The following ZBTB40 variants were observed in gnomAD, a reference collection of about 807,000 sequenced individuals.
ZBTB40 encodes zinc finger and BTB domain containing 40, also known as zinc finger and BTB domain-containing protein 40.
Under a neutral mutation model 117.5 loss-of-function variants are expected in ZBTB40, and 60 were observed. The observed-to-expected ratio is 0.51, with a 90% CI of 0.41 to 0.63. The LOEUF (loss-of-function observed/expected upper bound fraction) is 0.63. Ranked by LOEUF, ZBTB40 falls within the 30% of genes least tolerant of loss-of-function variation. ZBTB40 has a pLI of 0.00. For synonymous variants in ZBTB40, 525 were observed against 577.1 expected (o/e 0.91, Z 1.29); for missense variants, 1,287 against 1,498.5 (o/e 0.86, Z 2.33).
chr1:22,481,135 TTTTC>T (rs1242537383), intron 1 of ZBTB40, among the ~76,000 whole-genome samples: 2 of 152,238 alleles, frequency 1.3e-5, no homozygotes, highest in Non-Finnish European at 2.9e-5. Flanking sequence ...TAGGGATTTC[TTTTC>T]TTTAATTTTT....
rs2281355 is a variant in ZBTB40 at position 22,526,411 on chromosome 1, G to A, written c.*15G>A. On this transcript the variant is annotated 3_prime_UTR_variant, in exon 18 of 18. Transcript: ENST00000375647. ...AGGCCAAATGAGCAGCCTTTCATCC[G>A]GCAGAGCCTTCCTGCGTTTGCAGCA... The A allele has an allele frequency of 0.051, 81,698 of 1,613,568 alleles. 6,614 individuals are homozygous for A. Among genetic ancestry groups the A allele is most frequent in the East Asian group, 0.42 (18,642 of 44,856 alleles).
At chr1:22,443,880 T>A (rs536144456) in intron 1 of ZBTB40, among the ~76,000 whole-genome samples, 2 of 152,378 alleles carry the variant, frequency 1.3e-5, no homozygotes, top group South Asian at 4.1e-4. Flanking sequence ...ATGTTAATGC[T>A]GATCAGTAGT....
rs549331227 is a variant in ZBTB40 at position 22,451,946 on chromosome 1, G to C, written c.-128G>C. On this transcript the variant is annotated 5_prime_UTR_variant, in exon 1 of 18. Transcript: ENST00000375647. ...TTTATTGTTCCCTTCGGGCAGGAGT[G>C]TTCGTGTCCTCTATGGCGCTGTCAA... 8.5e-5 allele frequency: 13 copies of C among 152,570 alleles called. No homozygotes were observed. Among genetic ancestry groups the C allele is most frequent in the Admixed American group, 7.8e-4 (12 of 15,312 alleles). 9.5% of individuals were successfully genotyped at this position (152,570 alleles called of 1,614,324 possible).
At chr1:22,430,679 C>T (rs1368519521) in intron 1 of ZBTB40, among the ~76,000 whole-genome samples, 2 of 151,790 alleles carry the variant, frequency 1.3e-5, no homozygotes, top group Non-Finnish European at 2.9e-5. Context: ...ACTATGTTGC[C>T]GAGGCTGGTC....
intron 5 of ZBTB40, among the ~76,000 whole-genome samples, chr1:22,504,177 A>G (rs1467620716): frequency 6.6e-6 from 1 of 152,224 alleles, no homozygotes; most frequent in Non-Finnish European, 1.5e-5. Context: ...TTGAATAGCC[A>G]CAGTATTTTG....
chr1:22,525,767 G>C (rs1639659584), intron 17 of ZBTB40, among the ~76,000 whole-genome samples: 1 of 152,234 alleles, frequency 6.6e-6, no homozygotes, highest in Non-Finnish European at 1.5e-5. Flanking sequence ...GAGAGGTCCA[G>C]AGAGGCTGCC....
At chr1:22,482,133 A>G (rs1041537780) in intron 1 of ZBTB40, among the ~76,000 whole-genome samples, 3 of 152,118 alleles carry the variant, frequency 2.0e-5, no homozygotes, top group African/African-American at 7.2e-5. Flanking sequence ...TATAATATAG[A>G]TTAAAACAGA....
chr1:22,464,741 T>C (rs1234891572), intron 1 of ZBTB40, among the ~76,000 whole-genome samples: 2 of 152,250 alleles, frequency 1.3e-5, no homozygotes, highest in African/African-American at 4.8e-5. Context: ...TGTATATGCA[T>C]GCACACATAT....
chr1:22,429,179 G>A (rs1488555481), intron 1 of ZBTB40, among the ~76,000 whole-genome samples: 2 of 151,970 alleles, frequency 1.3e-5, no homozygotes, highest in African/African-American at 4.8e-5. Context: ...TCGGGAGATT[G>A]AGGTCATCCT....
chr1:22,506,316 T>A, intron 6 of ZBTB40, 75 bp downstream of exon 6: 2 of 1,439,948 alleles, frequency 1.4e-6, no homozygotes, highest in Non-Finnish European at 2.0e-6. Flanking sequence ...CCCTTTTGGC[T>A]CCATGCTGGG....
At chr1:22,431,536 C>T (rs1374831713) in intron 1 of ZBTB40, among the ~76,000 whole-genome samples, 1 of 151,408 alleles carries the variant, frequency 6.6e-6, no homozygotes, top group Non-Finnish European at 1.5e-5. Context: ...GTCAGGAGTT[C>T]GAAACCAGCC....
In ZBTB40 at chr1:22,511,997, A is replaced by G. The variant is rs1392044603; in HGVS notation, c.2324A>G (p.Lys775Arg). ...CAGTGTAAGGAGTGCAGTGAGACCA[A>G]GGATTCAAAGAAAGAGCTGGACAAA... ...QVQCKECSET[K>R]DSKKELDKHQ... Residue 775 changes from lysine to arginine, a missense_variant, in exon 11 of 18, where the codon AAG (lysine) becomes AGG (arginine). Lys to Arg is a conservative substitution (Grantham distance 26). This residue lies in a region of ZBTB40 where 870 missense variants were observed against 934.4 expected (regional missense o/e 0.93). Transcript: ENST00000375647. The G allele has an allele frequency of 1.9e-6, 3 of 1,614,206 alleles. No homozygotes were observed. The highest frequency in any genetic ancestry group is 4.5e-5 in the East Asian group (2 of 44,882).
chr1:22,437,608 C>T (rs1461600684), intron 1 of ZBTB40, among the ~76,000 whole-genome samples: 7 of 151,636 alleles, frequency 4.6e-5, no homozygotes, highest in Admixed American at 3.3e-4. Context: ...TTAGTAGAAA[C>T]GGGGTTTTAC....
At chr1:22,468,183 A>C (rs1051171045) in intron 1 of ZBTB40, among the ~76,000 whole-genome samples, 1 of 151,998 alleles carries the variant, frequency 6.6e-6, no homozygotes, top group Non-Finnish European at 1.5e-5. Flanking sequence ...CTCTCATTTC[A>C]TCTTCACACT....
At chr1:22,452,072 C>T (rs538287752) in intron 1 of ZBTB40, 68 bp downstream of exon 1, 30 of 152,788 alleles carry the variant, frequency 2.0e-4, no homozygotes, top group African/African-American at 5.0e-4. Flanking sequence ...CGGGTGCGCC[C>T]TAAATGAGGG....
At chr1:22,491,603 A>G in intron 3 of ZBTB40, 70 bp downstream of exon 3, 4 of 1,518,898 alleles carry the variant, frequency 2.6e-6, no homozygotes, top group Non-Finnish European at 3.6e-6. Flanking sequence ...AACTTTTTAT[A>G]TGGGGCAGAA....
chr1:22,446,930 C>T (rs1157897670), upstream of ZBTB40, among the ~76,000 whole-genome samples: 2 of 151,828 alleles, frequency 1.3e-5, no homozygotes, highest in South Asian at 2.1e-4. Flanking sequence ...TGGCAAAATC[C>T]CATCTCTACA....
chr1:22,509,540 G>T (rs182355), intron 9 of ZBTB40, among the ~76,000 whole-genome samples: 4 of 152,158 alleles, frequency 2.6e-5, no homozygotes, highest in Admixed American at 6.5e-5. Context: ...TGGAGACGGG[G>T]TTTCGCCATG....
chr1:22,492,284 T>C (rs1295381879), intron 3 of ZBTB40, among the ~76,000 whole-genome samples: 2 of 152,204 alleles, frequency 1.3e-5, no homozygotes, highest in South Asian at 4.1e-4. Context: ...TATAAGTGCT[T>C]AGGAATCGCC....
Sources: gnomAD v4.1 joint callset for allele counts (sites outside exome capture counted in the v4.1 genomes callset) on GRCh38, gnomAD v4.1.1 for gene constraint, gnomAD v4.1.1 regional missense constraint, MANE v1.5 for transcripts, NCBI Gene and HGNC (gene_info 2026-07-23, HGNC 2026-07-21) for gene names.